Variants in APBB1 observed in about 807,000 individuals in gnomAD.
The protein encoded by APBB1 is adaptor protein FE65a2.
Under a neutral mutation model 78.4 loss-of-function variants are expected in APBB1, and 22 were observed. The observed-to-expected ratio is 0.28, with a 90% CI of 0.20 to 0.40. The LOEUF (loss-of-function observed/expected upper bound fraction) is 0.40. Among genes scored for constraint, APBB1 ranks in the 10% least tolerant of loss-of-function variants. APBB1 has a pLI of 1.00. For synonymous variants in APBB1, 369 were observed against 372.7 expected (o/e 0.99, Z 0.12); for missense variants, 749 against 932.4 (o/e 0.80, Z 2.56).
intron 12 of APBB1, among the ~76,000 whole-genome samples, chr11:6,396,783 G>A (rs1056223562): frequency 1.3e-5 from 2 of 152,114 alleles, no homozygotes; most frequent in Non-Finnish European, 2.9e-5. Context: ...TATGCCTTAG[G>A]TCACATCGAG....
chr11:6,403,157 G>A lies in APBB1; in HGVS notation c.1092C>T (p.Asn364=), dbSNP rs1414314011. 1 of 1,612,486 alleles carries A rather than the reference G, an allele frequency of 6.2e-7. No individual in the cohort carries two copies. The highest frequency in any genetic ancestry group is 8.5e-7 in the Non-Finnish European group (1 of 1,179,354). The change falls in exon 6 of 15, where the codon AAC becomes AAT. Residue 364 remains asparagine (N), a synonymous_variant. Transcript: ENST00000609360. This position sits in a 1 kb window ranked among gnomAD's most constrained non-coding sequence, Gnocchi z 5.3. ...EEEKLPPRNT[N]PGIKCFAVRS... is the part of the protein sequence containing the mutation. ...GTCTTGAACAAACCTTGATCCCTGG[G>A]TTGGTATTCCGTGGGGGAAGCTTCT...
upstream of APBB1, chr11:6,419,116 C>A: frequency 2.7e-6 from 1 of 370,604 alleles, no homozygotes; most frequent in Non-Finnish European, 4.8e-6. Context: ...CCCCGAGCGG[C>A]GGAGGCGCGC....
At position 6,410,860 on chromosome 11, in the gene APBB1, T is replaced by A. The variant is rs773864533; in HGVS notation, c.488A>T (p.Asp163Val). 2 of 1,552,404 alleles carry A rather than the reference T, an allele frequency of 1.3e-6. No homozygotes were observed. The highest frequency in any genetic ancestry group is 1.8e-6 in the Non-Finnish European group (2 of 1,132,844). Residue 163 changes from aspartate (D) to valine (V), a missense_variant, in exon 2 of 15, where the codon GAT becomes GTT. By Grantham distance (152) the Asp-to-Val change is radical (BLOSUM62 -3). Around this residue, in one of 3 missense-constraint regions of APBB1, gnomAD observed 635 missense variants for 765.0 expected, o/e 0.83. Transcript: ENST00000609360. ...CTCCTCCTCCTCTTCATCATCATCA[T>A]CCTCCTCCTCCTCCTCGGCCTCCCC... ...AAGEAEEEEE[D>V]DDDEEEEEDL...
In APBB1 at chr11:6,399,316, A is replaced by G. The variant is rs148458912; in HGVS notation, c.1672+1673T>C. Among the ~76,000 whole-genome samples the G allele has an allele frequency of 2.6e-3, 394 of 152,330 alleles. 1 individual carries two copies. The highest frequency in any genetic ancestry group is 9.3e-3 in the African/African-American group (386 of 41,578). Reference sequence around the variant, plus strand: ...CTGCCAACCTGACTTTGCCTCTCAGATTCCCCAAAGGCATCTCAAACTCAG... The same window carrying G: ...CTGCCAACCTGACTTTGCCTCTCAGGTTCCCCAAAGGCATCTCAAACTCAG... On this transcript the variant is annotated intron_variant, in intron 12 of 14. Coordinates refer to ENST00000609360, the MANE Select transcript of APBB1 (RefSeq NM_001164.5).
chr11:6,411,201 G>C lies in APBB1; in HGVS notation c.147C>G (p.Asp49Glu). The change falls in exon 2 of 15, where the codon GAC becomes GAG. Residue 49 changes from aspartate to glutamate, a missense_variant. Asp to Glu is a conservative substitution (Grantham distance 45). Coordinates refer to ENST00000609360, the MANE Select transcript of APBB1 (RefSeq NM_001164.5). The surrounding 1 kb of genome is among the most constrained non-coding windows in gnomAD (Gnocchi z 5.2). ...KLQATAVGPKDLRSAMGEGGG... is the reference protein window; with the variant it reads ...KLQATAVGPKELRSAMGEGGG... ...CACCCTCCCCCATGGCGCTGCGCAG[G>C]TCCTTGGGTCCCACAGCTGTGGCCT... 6.2e-7 allele frequency: 1 copy of C among 1,607,720 alleles called. No homozygotes were observed.
In APBB1 at chr11:6,411,196, C is replaced by A. The variant is rs766381978; in HGVS notation, c.152G>T (p.Arg51Leu). ...CCCACCACCCTCCCCCATGGCGCTG[C>A]GCAGGTCCTTGGGTCCCACAGCTGT... is the stretch of plus-strand genomic sequence containing the variant. Reference protein sequence around the residue: ...QATAVGPKDLRSAMGEGGGPE... With the variant: ...QATAVGPKDLLSAMGEGGGPE... The change falls in exon 2 of 15, where the codon CGC (arginine) becomes CTC (leucine). Residue 51 changes from arginine to leucine, a missense_variant. This residue lies in a region of APBB1 where 635 missense variants were observed against 765.0 expected (regional missense o/e 0.83). Transcript: ENST00000609360. The surrounding 1 kb of genome is among the most constrained non-coding windows in gnomAD (Gnocchi z 5.2). 1 of 1,607,810 alleles carries A rather than the reference C, an allele frequency of 6.2e-7. No individual in the cohort carries two copies. The highest frequency in any genetic ancestry group is 8.5e-7 in the Non-Finnish European group (1 of 1,178,904).
At position 6,403,473 on chromosome 11, in the gene APBB1, G is replaced by T; in HGVS notation, c.954+15C>A. The T allele has an allele frequency of 6.2e-7, 1 of 1,614,184 alleles. No homozygotes were observed. The highest frequency in any genetic ancestry group is 8.5e-7 in the Non-Finnish European group (1 of 1,180,014). ...CCTCCAGCTATCCCGTGGTAAAGCAGGTCCCCTTACCCACCTTCCAAAATT... is the reference window on the plus strand; with the variant it reads ...CCTCCAGCTATCCCGTGGTAAAGCATGTCCCCTTACCCACCTTCCAAAATT... On this transcript the variant is annotated intron_variant, in intron 4 of 14. Coordinates refer to ENST00000609360, the MANE Select transcript of APBB1 (RefSeq NM_001164.5). The surrounding 1 kb of genome is among the most constrained non-coding windows in gnomAD (Gnocchi z 5.3).
intron 12 of APBB1, among the ~76,000 whole-genome samples, chr11:6,400,772 A>C (rs544486684): frequency 9.9e-5 from 15 of 152,200 alleles, no homozygotes; most frequent in Non-Finnish European, 2.1e-4. Flanking sequence ...AGCACCACTC[A>C]CGTGGCTGAT....
At chr11:6,409,134 A>AT (rs1353212575) in intron 2 of APBB1, among the ~76,000 whole-genome samples, 3 of 152,098 alleles carry the variant, frequency 2.0e-5, no homozygotes, top group Non-Finnish European at 4.4e-5. Context: ...CAGTGGCTCA[A>AT]TCATGGCTCA....
At position 6,395,207 on chromosome 11, in the gene APBB1, G is replaced by A; in HGVS notation, c.*327C>T. On this transcript the variant is annotated 3_prime_UTR_variant, in exon 15 of 15. Coordinates refer to ENST00000609360, the MANE Select transcript of APBB1 (RefSeq NM_001164.5). This position sits in a 1 kb window ranked among gnomAD's most constrained non-coding sequence, Gnocchi z 5.2. ...GGGGAAGGGACCCATGCCTGGACCA[G>A]TCCCTTCCTCCTTCTGCCCCTGCTG... The A allele has an allele frequency of 3.6e-6, 1 of 280,464 alleles. No homozygotes were observed. Among genetic ancestry groups the A allele is most frequent in the East Asian group, 6.5e-5 (1 of 15,358 alleles). 17.4% of individuals were successfully genotyped at this position (280,464 alleles called of 1,614,324 possible). A position where few individuals can be genotyped will look rare whatever the true frequency, so the allele number is the denominator to read the frequency against.
intron 1 of APBB1, among the ~76,000 whole-genome samples, chr11:6,416,042 G>C (rs949267400): frequency 2.6e-5 from 4 of 151,916 alleles, no homozygotes; most frequent in South Asian, 2.1e-4. Flanking sequence ...CTCCCAACAC[G>C]ACTCAGTAAC....
chr11:6,397,320 A>G (rs1047832353), intron 12 of APBB1, among the ~76,000 whole-genome samples: 1 of 152,224 alleles, frequency 6.6e-6, no homozygotes, highest in African/African-American at 2.4e-5. Flanking sequence ...GGCCTTGCTC[A>G]TCTGACTTCT....
intron 1 of APBB1, among the ~76,000 whole-genome samples, chr11:6,413,894 G>A (rs1041437365): frequency 6.6e-6 from 1 of 152,190 alleles, no homozygotes; most frequent in Admixed American, 6.5e-5. Context: ...GATCTGCTCA[G>A]TGTGACTCCT....
intron 2 of APBB1, among the ~76,000 whole-genome samples, chr11:6,409,344 G>C (rs1353690437): frequency 2.6e-5 from 4 of 151,948 alleles, no homozygotes; most frequent in Non-Finnish European, 5.9e-5. Flanking sequence ...TAAAATGCTG[G>C]GATTACAGGT....
At chr11:6,413,624 T>C (rs1332363051) in intron 1 of APBB1, among the ~76,000 whole-genome samples, 1 of 151,800 alleles carries the variant, frequency 6.6e-6, no homozygotes, top group Admixed American at 6.5e-5. Flanking sequence ...AGCTAATTTT[T>C]GTAATTCTTT....
Position 6,403,570 on chromosome 11 carries a change from G to A in APBB1, c.898-26C>T, listed in dbSNP as rs1351433960. 4 of 1,614,006 alleles carry A rather than the reference G, an allele frequency of 2.5e-6. No homozygotes were observed. The highest frequency in any genetic ancestry group is 1.3e-5 in the African/African-American group (1 of 74,944). ...CTAGGAGGAGGGATGGGAGTAGTGA[G>A]TGAGTGTCCTATCCTACTCCAGCAG... On this transcript the variant is annotated intron_variant, in intron 3 of 14. Transcript: ENST00000609360. This position sits in a 1 kb window ranked among gnomAD's most constrained non-coding sequence, Gnocchi z 5.3.
intron 12 of APBB1, among the ~76,000 whole-genome samples, chr11:6,400,278 C>A (rs546017636): frequency 6.6e-6 from 1 of 152,202 alleles, no homozygotes; most frequent in Non-Finnish European, 1.5e-5. Context: ...CAGTGGCTCA[C>A]GCCTGTAATC....
chr11:6,413,590 T>C (rs546369339), intron 1 of APBB1, among the ~76,000 whole-genome samples: 1 of 152,174 alleles, frequency 6.6e-6, no homozygotes, highest in Admixed American at 6.5e-5. Context: ...GTAGCTGGGA[T>C]TATAGGTGCC....
In APBB1 at chr11:6,401,305, A is replaced by G. The variant is rs751916547; in HGVS notation, c.1588+40T>C. 1 of 1,614,140 alleles carries G rather than the reference A, an allele frequency of 6.2e-7. No individual in the cohort carries two copies. On this transcript the variant is annotated intron_variant, in intron 11 of 14. Transcript: ENST00000609360. The surrounding 1 kb of genome is among the most constrained non-coding windows in gnomAD (Gnocchi z 4.5). ...TTTCCTTGGGTCACCCACCTTTGCC[A>G]ACAAAGCTGAGCTGGACCTGGAGGG... is the stretch of plus-strand genomic sequence containing the variant.
Sources: gnomAD v4.1 joint callset for allele counts (sites outside exome capture counted in the v4.1 genomes callset) on GRCh38, gnomAD v4.1.1 for gene constraint, gnomAD v4.1.1 regional missense constraint, Gnocchi (gnomAD v3.1) non-coding constraint, MANE v1.5 for transcripts, NCBI Gene and HGNC (gene_info 2026-07-23, HGNC 2026-07-21) for gene names.